ARHGEF4: variants seen among roughly 807,000 people sequenced by gnomAD.
ARHGEF4 encodes Rho guanine nucleotide exchange factor 4.
ARHGEF4 carries 119 observed loss-of-function variants against 162.0 expected under a neutral mutation model. The observed-to-expected ratio is 0.73, with a 90% CI of 0.63 to 0.86. The LOEUF is 0.86. ARHGEF4 is among the 40% of genes least tolerant of loss of function. The pLI is 0.00. For synonymous variants in ARHGEF4, 1,014 were observed against 979.9 expected (o/e 1.03, Z -0.65); for missense variants, 2,488 against 2,456.0 (o/e 1.01, Z -0.28).
At chr2:130,964,531 T>C (rs978651358) in intron 4 of ARHGEF4, among the ~76,000 whole-genome samples, 1 of 152,236 alleles carries the variant, frequency 6.6e-6, no homozygotes, top group Non-Finnish European at 1.5e-5. Context: ...CGCTGTCAAC[T>C]GGGAAACTGA....
At position 131,027,998 on chromosome 2, in the gene ARHGEF4, G is replaced by A. The variant is rs201643947; in HGVS notation, c.4039G>A (p.Glu1347Lys). The change falls in exon 5 of 14, where the codon GAG becomes AAG. Residue 1347 changes from glutamate to lysine, a missense_variant. Transcript: ENST00000409359. ...TGTCTGCGCTGACGAAGTGGGGAGC[G>A]AGGAGGACCTGTATGATGACCTGCA... ...TAVCADEVGS[E>K]EDLYDDLHSS... 4.8e-5 allele frequency: 78 copies of A among 1,614,082 alleles called. No individual in the cohort carries two copies. In the Middle Eastern group the frequency reaches 1.0e-3, roughly 21 times the overall value.
intron 4 of ARHGEF4, among the ~76,000 whole-genome samples, chr2:131,022,402 G>T (rs1469253844): frequency 1.3e-5 from 2 of 151,910 alleles, no homozygotes; most frequent in Non-Finnish European, 2.9e-5. Context: ...TGTGTTTCTA[G>T]AAATTTTCCA....
Position 130,960,797 on chromosome 2 carries a change from T to C in ARHGEF4, c.3985+14162T>C, listed in dbSNP as rs558734676. ...GCACCTTTGATGGTAAGTGTTAATT[T>C]CAGCTGTCCTCACCCCCAGGGTCTT... On this transcript the variant is annotated intron_variant, in intron 4 of 13. Transcript: ENST00000409359. Among the ~76,000 whole-genome samples, 6 of 152,238 alleles carry C rather than the reference T, an allele frequency of 3.9e-5. No homozygotes were observed. In the East Asian group the frequency reaches 1.2e-3, roughly 29 times the overall value.
rs1681373966 is a variant in ARHGEF4 at position 130,914,517 on chromosome 2, A to G, written c.571A>G (p.Ser191Gly). ...GTGCTGCTTACAGAGGGCCACAGACAGCAGTGGTCCTGAGCCAGTACAGGG... is the reference window on the plus strand; with the variant it reads ...GTGCTGCTTACAGAGGGCCACAGACGGCAGTGGTCCTGAGCCAGTACAGGG... ...TGCCLQRATD[S>G]SGPEPVQGVA... is the part of the protein sequence containing the mutation. Residue 191 changes from serine to glycine, a missense_variant, in exon 2 of 14, where the codon AGC becomes GGC. Physicochemically the swap from Ser to Gly is moderately conservative, Grantham distance 56. Transcript: ENST00000409359. 1 of 1,428,004 alleles carries G rather than the reference A, an allele frequency of 7.0e-7. No homozygotes were observed. Among genetic ancestry groups the G allele is most frequent in the Non-Finnish European group, 9.1e-7 (1 of 1,096,908 alleles). 88.5% of individuals were successfully genotyped at this position (1,428,004 alleles called of 1,614,324 possible).
intron 1 of ARHGEF4, among the ~76,000 whole-genome samples, chr2:130,905,671 A>G (rs1428475611): frequency 1.3e-5 from 2 of 152,176 alleles, no homozygotes; most frequent in Non-Finnish European, 2.9e-5. Flanking sequence ...GATGAGTATA[A>G]TACAGTTCGA....
intron 4 of ARHGEF4, among the ~76,000 whole-genome samples, chr2:130,984,089 A>G (rs988102763): frequency 1.3e-5 from 2 of 152,256 alleles, no homozygotes; most frequent in African/African-American, 4.8e-5. Flanking sequence ...ATGAGATAGC[A>G]ATACAAACAT....
intron 4 of ARHGEF4, among the ~76,000 whole-genome samples, chr2:130,958,974 C>T (rs1369510563): frequency 1.3e-5 from 2 of 150,600 alleles, no homozygotes; most frequent in Non-Finnish European, 2.9e-5. Flanking sequence ...TGAGGTCTTA[C>T]TCTGTTGCCC....
intron 2 of ARHGEF4, among the ~76,000 whole-genome samples, chr2:130,919,736 C>T: frequency 6.6e-6 from 1 of 152,020 alleles, no homozygotes; most frequent in Non-Finnish European, 1.5e-5. Context: ...ATTAGCTGGG[C>T]CTGGTGGTGG....
chr2:130,886,108 C>T (rs940350326), intron 1 of ARHGEF4, among the ~76,000 whole-genome samples: 5 of 151,988 alleles, frequency 3.3e-5, no homozygotes, highest in Non-Finnish European at 7.4e-5. Flanking sequence ...AAATCTGTGA[C>T]TGTGGGAAAT....
At chr2:131,032,914 A>T (rs10928504) in intron 5 of ARHGEF4, among the ~76,000 whole-genome samples, 1 of 144,792 alleles carries the variant, frequency 6.9e-6, no homozygotes, top group Non-Finnish European at 1.5e-5. Context: ...GTACAGAAGC[A>T]TAATCTTGGC....
intron 1 of ARHGEF4, among the ~76,000 whole-genome samples, chr2:130,866,194 G>A (rs570451923): frequency 2.0e-5 from 3 of 152,082 alleles, no homozygotes; most frequent in Non-Finnish European, 4.4e-5. Context: ...AGCACAGCAA[G>A]GCCACATCTC....
intron 5 of ARHGEF4, among the ~76,000 whole-genome samples, chr2:131,034,028 T>A (rs149320568): frequency 6.6e-6 from 1 of 152,254 alleles, no homozygotes; most frequent in East Asian, 1.9e-4. Flanking sequence ...TGCTTTACAG[T>A]CAACAGGATG....
At chr2:131,042,129 C>T (rs77395489) in intron 10 of ARHGEF4, among the ~76,000 whole-genome samples, 185 bp downstream of exon 10, 1,873 of 152,276 alleles carry the variant, frequency 0.012, 38 homozygotes, top group African/African-American at 0.042. Context: ...TGCTGCCTAC[C>T]GTAGCAGGCT....
At chr2:130,867,285 C>T (rs935153362) in intron 1 of ARHGEF4, among the ~76,000 whole-genome samples, 2 of 151,694 alleles carry the variant, frequency 1.3e-5, no homozygotes, top group Non-Finnish European at 2.9e-5. Flanking sequence ...TATCACCAGG[C>T]TGGAGTGCAG....
intron 6 of ARHGEF4, chr2:131,039,288 C>G: frequency 1.6e-6 from 2 of 1,276,162 alleles, no homozygotes; most frequent in East Asian, 3.2e-5. Context: ...AGGCACCCCT[C>G]TGCGATACCC....
intron 3 of ARHGEF4, among the ~76,000 whole-genome samples, chr2:130,936,483 C>A (rs1004584153): frequency 6.6e-6 from 1 of 152,118 alleles, no homozygotes; most frequent in Non-Finnish European, 1.5e-5. Flanking sequence ...TTCCAGCTCT[C>A]TTTTGGTTAT....
chr2:131,026,019 T>C (rs1002273533), intron 4 of ARHGEF4, among the ~76,000 whole-genome samples: 3 of 152,188 alleles, frequency 2.0e-5, no homozygotes, highest in African/African-American at 7.2e-5. Context: ...ATGCCATCTT[T>C]TCATCTTTTG....
chr2:130,891,323 A>G (rs908525780), intron 1 of ARHGEF4, among the ~76,000 whole-genome samples: 4 of 152,348 alleles, frequency 2.6e-5, no homozygotes, highest in East Asian at 3.9e-4. Context: ...TAGCAATACA[A>G]TTAAACTCAC....
chr2:130,992,109 T>G (rs945828238), intron 4 of ARHGEF4, among the ~76,000 whole-genome samples: 2 of 152,140 alleles, frequency 1.3e-5, no homozygotes, highest in Non-Finnish European at 2.9e-5. Context: ...GTCCATACTC[T>G]GCATCTAACT....
Sources: allele counts gnomAD v4.1 joint callset (sites outside exome capture counted in the v4.1 genomes callset), GRCh38; gene constraint gnomAD v4.1.1; transcripts MANE v1.5; gene names NCBI Gene and HGNC (gene_info 2026-07-23, HGNC 2026-07-21).